Variants in ADAMTS12 observed in about 807,000 individuals in gnomAD.
ADAMTS12 encodes A disintegrin and metalloproteinase with thrombospondin motifs 12.
In ADAMTS12, 118 loss-of-function variants were observed where a neutral mutation model predicts 167.8. The ratio of observed to expected loss-of-function variants is 0.70; its 90% CI spans 0.61 to 0.82. The LOEUF is 0.82. Ranked by LOEUF, ADAMTS12 falls within the 40% of genes least tolerant of loss-of-function variation. The pLI, the probability that ADAMTS12 is intolerant of heterozygous loss-of-function variation, is 0.00. For synonymous variants in ADAMTS12, 704 were observed against 716.9 expected (o/e 0.98, Z 0.29); for missense variants, 1,916 against 1,998.8 (o/e 0.96, Z 0.79).
intron 3 of ADAMTS12, among the ~76,000 whole-genome samples, chr5:33,746,364 G>A (rs1021250871): frequency 2.0e-5 from 3 of 152,154 alleles, no homozygotes; most frequent in Non-Finnish European, 1.5e-5. Flanking sequence ...TTGGTGATCT[G>A]ACAAGCTAAT....
intron 12 of ADAMTS12, 131 bp downstream of exon 12, chr5:33,637,445 TA>T: frequency 1.1e-6 from 1 of 934,250 alleles, no homozygotes; most frequent in South Asian, 2.2e-5. Flanking sequence ...TTCCATCTTC[TA>T]AATTACAAAA....
intron 18 of ADAMTS12, among the ~76,000 whole-genome samples, chr5:33,588,123 C>T (rs1353209778): frequency 6.6e-6 from 1 of 152,134 alleles, no homozygotes; most frequent in African/African-American, 2.4e-5. Flanking sequence ...TGTTAGAAAC[C>T]TTGGTCTGGT....
intron 2 of ADAMTS12, among the ~76,000 whole-genome samples, chr5:33,814,439 A>C (rs12656327): frequency 0.32 from 48,367 of 152,136 alleles, 7,947 homozygotes; most frequent in East Asian, 0.52. Context: ...TTCAATTTGC[A>C]TAAGTTAAAT....
intron 3 of ADAMTS12, among the ~76,000 whole-genome samples, chr5:33,711,988 G>A (rs148106240): frequency 6.6e-6 from 1 of 152,238 alleles, no homozygotes; most frequent in East Asian, 1.9e-4. Flanking sequence ...TGATGTTTGG[G>A]CACAGTTCCA....
intron 3 of ADAMTS12, among the ~76,000 whole-genome samples, chr5:33,714,898 C>T (rs1345783123): frequency 1.3e-5 from 2 of 151,936 alleles, no homozygotes; most frequent in Non-Finnish European, 2.9e-5. Context: ...AGTTTGGTGA[C>T]TACAGTTAAA....
At chr5:33,790,802 T>TAC (rs937144885) in intron 2 of ADAMTS12, among the ~76,000 whole-genome samples, 10 of 148,262 alleles carry the variant, frequency 6.7e-5, no homozygotes, top group South Asian at 4.2e-4. Flanking sequence ...TATATATATA[T>TAC]ATATATATGC....
chr5:33,587,499 G>C (rs1311859090), intron 18 of ADAMTS12, among the ~76,000 whole-genome samples: 1 of 152,098 alleles, frequency 6.6e-6, no homozygotes, highest in Admixed American at 6.5e-5. Context: ...TTCTCACCTA[G>C]GCTGGAGTAC....
At position 33,861,123 on chromosome 5, in the gene ADAMTS12, A is replaced by G. The variant is rs557585487; in HGVS notation, c.489+19996T>C. Among the ~76,000 whole-genome samples, 14 of 152,350 alleles carry G rather than the reference A, an allele frequency of 9.2e-5. No homozygotes were observed. In the East Asian group the frequency reaches 2.3e-3, roughly 25 times the overall value. On this transcript the variant is annotated intron_variant, in intron 2 of 23. Coordinates refer to ENST00000504830, the MANE Select transcript of ADAMTS12 (RefSeq NM_030955.4). Reference sequence around the variant, plus strand: ...TCAACACTATGAAGAAACTGCATCAACTAACAGCCAAAATAATCAGCTAAC... The same window carrying G: ...TCAACACTATGAAGAAACTGCATCAGCTAACAGCCAAAATAATCAGCTAAC...
At chr5:33,632,318 G>A (rs1739981462) in intron 12 of ADAMTS12, among the ~76,000 whole-genome samples, 2 of 151,800 alleles carry the variant, frequency 1.3e-5, no homozygotes, top group Non-Finnish European at 2.9e-5. Context: ...TGGGTGCTAG[G>A]TACACTAGAA....
At chr5:33,753,344 C>A (rs1003397559) in intron 2 of ADAMTS12, among the ~76,000 whole-genome samples, 1 of 152,166 alleles carries the variant, frequency 6.6e-6, no homozygotes, top group African/African-American at 2.4e-5. Flanking sequence ...GAAGGAAGAA[C>A]GGACAAGGCC....
chr5:33,869,116 A>T (rs1749940341), intron 2 of ADAMTS12, among the ~76,000 whole-genome samples: 1 of 152,156 alleles, frequency 6.6e-6, no homozygotes, highest in Non-Finnish European at 1.5e-5. Context: ...GAGATCTAGG[A>T]GAAAAGAATG....
chr5:33,587,344 A>C (rs1747411618), intron 18 of ADAMTS12, among the ~76,000 whole-genome samples: 1 of 152,220 alleles, frequency 6.6e-6, no homozygotes, highest in Admixed American at 6.5e-5. Flanking sequence ...TTTATCCATC[A>C]GGCCCCATTC....
chr5:33,790,124 C>A (rs915024862), intron 2 of ADAMTS12, among the ~76,000 whole-genome samples: 5 of 152,118 alleles, frequency 3.3e-5, no homozygotes, highest in African/African-American at 1.2e-4. Context: ...TTCATCCATT[C>A]GAATCAGGTG....
chr5:33,579,679 A>T (rs1561142669), intron 18 of ADAMTS12, among the ~76,000 whole-genome samples: 1 of 152,242 alleles, frequency 6.6e-6, no homozygotes, highest in African/African-American at 2.4e-5. Flanking sequence ...TCCTTGTGTG[A>T]TTCGGTGACT....
At chr5:33,752,737 T>C (rs1300299890) in intron 2 of ADAMTS12, among the ~76,000 whole-genome samples, 1 of 152,160 alleles carries the variant, frequency 6.6e-6, no homozygotes, top group East Asian at 1.9e-4. Context: ...CAAAAGGCTT[T>C]CAAGGTTCAA....
chr5:33,566,518 A>G (rs760589438), intron 19 of ADAMTS12, among the ~76,000 whole-genome samples: 2 of 152,114 alleles, frequency 1.3e-5, no homozygotes, highest in Non-Finnish European at 2.9e-5. Context: ...TCTCTTCTTC[A>G]TTCCCCATAT....
At chr5:33,627,161 A>G (rs1484777950) in intron 13 of ADAMTS12, among the ~76,000 whole-genome samples, 2 of 120,080 alleles carry the variant, frequency 1.7e-5, no homozygotes, top group Non-Finnish European at 3.4e-5. Flanking sequence ...CGTGGTGACT[A>G]TGTGGTAATG....
intron 16 of ADAMTS12, among the ~76,000 whole-genome samples, chr5:33,608,323 T>C (rs1452712048): frequency 5.3e-5 from 8 of 152,148 alleles, no homozygotes; most frequent in Non-Finnish European, 1.2e-4. Context: ...CGGCAAATAA[T>C]CAGAGGTAGA....
Position 33,588,584 on chromosome 5 carries a change from G to C in ADAMTS12, c.2865+15C>G, listed in dbSNP as rs771733709. On this transcript the variant is annotated intron_variant, in intron 18 of 23. Coordinates refer to ENST00000504830, the MANE Select transcript of ADAMTS12 (RefSeq NM_030955.4). The stretch of plus-strand genomic sequence containing the variant: ...CTTGAATAATGCCAGTTTCCCCGCC[G>C]AGCCCTGAGCTCACCTCACTCCAGT... The C allele has an allele frequency of 6.2e-7, 1 of 1,612,742 alleles. No homozygotes were observed. Among genetic ancestry groups the C allele is most frequent in the African/African-American group, 1.3e-5 (1 of 74,886 alleles).
Sources: gnomAD v4.1 joint callset for allele counts (sites outside exome capture counted in the v4.1 genomes callset) on GRCh38, gnomAD v4.1.1 for gene constraint, MANE v1.5 for transcripts, NCBI Gene and HGNC (gene_info 2026-07-23, HGNC 2026-07-21) for gene names.